CADPS: variants seen among roughly 807,000 people sequenced by gnomAD.
The protein encoded by CADPS is calcium-dependent secretion activator 1.
In CADPS, 57 loss-of-function variants were observed where a neutral mutation model predicts 167.3. That is an observed-to-expected ratio of 0.34 (90% CI 0.28 to 0.42). The LOEUF (loss-of-function observed/expected upper bound fraction) is 0.42, where lower values mean the gene tolerates loss of function less well. CADPS is among the 20% of genes least tolerant of loss of function. The pLI is 1.00. For synonymous variants in CADPS, 676 were observed against 635.3 expected (o/e 1.06, Z -0.96); for missense variants, 1,414 against 1,738.1 (o/e 0.81, Z 3.32).
At chr3:62,738,731 A>C (rs2079548108) in intron 3 of CADPS, among the ~76,000 whole-genome samples, 1 of 152,192 alleles carries the variant, frequency 6.6e-6, no homozygotes, top group Non-Finnish European at 1.5e-5. Context: ...CGTCTCAAAA[A>C]ATAAAATAAA....
chr3:62,497,059 A>C (rs553218568), intron 18 of CADPS, among the ~76,000 whole-genome samples: 142 of 152,302 alleles, frequency 9.3e-4, no homozygotes, highest in African/African-American at 3.4e-3. Flanking sequence ...TTGAATATAC[A>C]AGATTAAAAT....
Position 62,746,954 on chromosome 3 carries a change from C to T in CADPS, c.888+6487G>A, listed in dbSNP as rs143929882. On this transcript the variant is annotated intron_variant, in intron 3 of 29. Transcript: ENST00000383710. ...GCTAAATTTGTGGCAATCTGTTACA[C>T]GGCCAAGACAACAAAAACAATAATC... is the stretch of plus-strand genomic sequence containing the variant. Among the ~76,000 whole-genome samples the T allele has an allele frequency of 2.2e-3, 328 of 152,208 alleles. 2 individuals carry two copies. The highest frequency in any genetic ancestry group is 7.7e-3 in the African/African-American group (320 of 41,526).
chr3:62,673,728 T>C (rs1195766733), intron 3 of CADPS, among the ~76,000 whole-genome samples: 1 of 152,192 alleles, frequency 6.6e-6, no homozygotes, highest in Non-Finnish European at 1.5e-5. Flanking sequence ...TTCTGAAATT[T>C]AGTTTGGGCA....
intron 1 of CADPS, among the ~76,000 whole-genome samples, chr3:62,858,363 G>A (rs1283992258): frequency 6.6e-6 from 1 of 152,068 alleles, no homozygotes; most frequent in Non-Finnish European, 1.5e-5. Context: ...CATCAGGAGA[G>A]GAGCCCCAAA....
At chr3:62,869,059 G>C (rs144674948) in intron 1 of CADPS, among the ~76,000 whole-genome samples, 71 of 152,184 alleles carry the variant, frequency 4.7e-4, no homozygotes, top group Middle Eastern at 3.4e-3. Context: ...AAGGATTTTA[G>C]AATATTTATG....
chr3:62,558,103 G>A (rs1304788490), intron 9 of CADPS, among the ~76,000 whole-genome samples: 1 of 152,226 alleles, frequency 6.6e-6, no homozygotes, highest in African/African-American at 2.4e-5. Context: ...TGCTGAAGGA[G>A]TACTTTGGTT....
At chr3:62,481,959 C>A (rs879482058) in intron 21 of CADPS, 90 bp from the exon 22 acceptor site, 4 of 1,299,254 alleles carry the variant, frequency 3.1e-6, no homozygotes, top group South Asian at 2.7e-5. Context: ...ATAAATTGAC[C>A]AAGTCCACAG....
At chr3:62,719,383 G>A (rs1205117755) in intron 3 of CADPS, among the ~76,000 whole-genome samples, 1 of 152,124 alleles carries the variant, frequency 6.6e-6, no homozygotes, top group Non-Finnish European at 1.5e-5. Flanking sequence ...CCATACTCAA[G>A]CACCAATTAG....
intron 28 of CADPS, among the ~76,000 whole-genome samples, chr3:62,406,155 T>C (rs1330906665): frequency 6.6e-6 from 1 of 152,208 alleles, no homozygotes; most frequent in East Asian, 1.9e-4. Context: ...CTTGCACATC[T>C]CTTCCCGAAT....
intron 2 of CADPS, among the ~76,000 whole-genome samples, chr3:62,756,914 G>A (rs1407432437): frequency 2.0e-5 from 3 of 152,068 alleles, no homozygotes; most frequent in Non-Finnish European, 2.9e-5. Flanking sequence ...GAGGTATTCA[G>A]GAGGAGGAGG....
chr3:62,865,767 G>T lies in CADPS; in HGVS notation c.441+8822C>A, dbSNP rs546195099. 2.0e-5 allele frequency among the ~76,000 whole-genome samples: 3 copies of T among 152,118 alleles called. No homozygotes were observed. The South Asian group carries it at 6.2e-4, about 32-fold the overall frequency. On this transcript the variant is annotated intron_variant, in intron 1 of 29. Transcript: ENST00000383710. ...TTATTACCATATCCAATATGCAGTA[G>T]CTCTGTAGTTATTATTTATTTATAC... is the stretch of plus-strand genomic sequence containing the variant.
intron 1 of CADPS, among the ~76,000 whole-genome samples, chr3:62,839,667 G>A (rs768504787): frequency 2.0e-5 from 3 of 152,164 alleles, no homozygotes; most frequent in Admixed American, 6.5e-5. Flanking sequence ...ATGGGTTGGC[G>A]AAGGCCAGGA....
chr3:62,505,638 T>C (rs1192927539), intron 17 of CADPS, among the ~76,000 whole-genome samples: 4 of 152,218 alleles, frequency 2.6e-5, no homozygotes, highest in Admixed American at 2.6e-4. Flanking sequence ...GTCATGCTCC[T>C]GCTTAAAAAC....
intron 5 of CADPS, 137 bp from the exon 6 acceptor site, chr3:62,645,980 T>C (rs1346062301): frequency 2.2e-5 from 20 of 900,760 alleles, no homozygotes; most frequent in Non-Finnish European, 3.4e-5. Flanking sequence ...GTACCAGTCA[T>C]GCTGGGACCA....
intron 24 of CADPS, 178 bp from the exon 25 acceptor site, chr3:62,466,591 G>A (rs986180487): frequency 6.1e-6 from 4 of 656,830 alleles, no homozygotes; most frequent in Non-Finnish European, 1.1e-5. Context: ...AGAGAGATCT[G>A]AAGCTCTTAA....
intron 28 of CADPS, among the ~76,000 whole-genome samples, chr3:62,405,207 G>A (rs1708000126): frequency 2.0e-5 from 3 of 151,460 alleles, no homozygotes; most frequent in Admixed American, 6.6e-5. Flanking sequence ...CAGCCTCCTG[G>A]GATTGGAAGA....
intron 1 of CADPS, among the ~76,000 whole-genome samples, chr3:62,773,592 C>A (rs2089491093): frequency 4.6e-5 from 7 of 152,122 alleles, no homozygotes; most frequent in Admixed American, 4.6e-4. Flanking sequence ...ATGTCCTCCC[C>A]ATGTACTAAC....
rs1467397700 is a variant in CADPS, at chr3:62,715,544, T to C, written c.888+37897A>G. Among the ~76,000 whole-genome samples, 5 of 151,192 alleles carry C rather than the reference T, an allele frequency of 3.3e-5. No homozygotes were observed. In the East Asian group the frequency reaches 7.7e-4, roughly 23 times the overall value. ...GAAAACATTGCCACATATTAACATA[T>C]GCACATTAAATATCATAAATACTAT... On this transcript the variant is annotated intron_variant, in intron 3 of 29. Coordinates refer to ENST00000383710, the MANE Select transcript of CADPS (RefSeq NM_003716.4).
intron 1 of CADPS, among the ~76,000 whole-genome samples, chr3:62,815,430 T>C (rs1328570333): frequency 6.7e-6 from 1 of 148,162 alleles, no homozygotes; most frequent in East Asian, 2.0e-4. Flanking sequence ...TGACCAGGGG[T>C]GGGGGAGAAG....
Sources: allele counts gnomAD v4.1 joint callset (sites outside exome capture counted in the v4.1 genomes callset), GRCh38; gene constraint gnomAD v4.1.1; transcripts MANE v1.5; gene names NCBI Gene and HGNC (gene_info 2026-07-23, HGNC 2026-07-21).